The following ASIC2 variants were observed in gnomAD, a reference collection of about 807,000 sequenced individuals.
ASIC2 encodes acid sensing ion channel subunit 2, also known as acid-sensing ion channel 2.
In ASIC2, 25 loss-of-function variants were observed where a neutral mutation model predicts 57.3. The ratio of observed to expected loss-of-function variants is 0.44; its 90% CI spans 0.32 to 0.61. ASIC2 has a LOEUF of 0.61. ASIC2 is among the 20% of genes least tolerant of loss of function. ASIC2 has a pLI of 0.06. For synonymous variants in ASIC2, 319 were observed against 307.5 expected, an observed-to-expected ratio of 1.04 and a Z score of -0.39; for missense variants, 641 against 738.1, an observed-to-expected ratio of 0.87 and a Z score of 1.52.
intron 1 of ASIC2, among the ~76,000 whole-genome samples, chr17:33,774,973 A>C (rs1178335678): frequency 1.3e-5 from 2 of 152,222 alleles, no homozygotes; most frequent in African/African-American, 2.4e-5. Context: ...AGGCCAATGC[A>C]ACAGTCCCTA....
intron 1 of ASIC2, among the ~76,000 whole-genome samples, chr17:33,685,808 A>C (rs1908167544): frequency 6.6e-6 from 1 of 152,218 alleles, no homozygotes; most frequent in East Asian, 1.9e-4. Context: ...GCCTTCAGAC[A>C]GCACTCAAAC....
intron 1 of ASIC2, among the ~76,000 whole-genome samples, chr17:33,605,475 A>G (rs886172293): frequency 6.6e-6 from 1 of 152,212 alleles, no homozygotes; most frequent in Non-Finnish European, 1.5e-5. Context: ...CAGGAACCAA[A>G]TGGACAGATA....
At chr17:33,422,584 ACT>A (rs1463053608) in intron 1 of ASIC2, among the ~76,000 whole-genome samples, 3 of 152,016 alleles carry the variant, frequency 2.0e-5, no homozygotes, top group Non-Finnish European at 2.9e-5. Context: ...AGTCTCTCCA[ACT>A]CTCTGGAAAT....
chr17:33,505,807 C>A (rs1409447826), intron 1 of ASIC2, among the ~76,000 whole-genome samples: 1 of 152,218 alleles, frequency 6.6e-6, no homozygotes, highest in African/African-American at 2.4e-5. Flanking sequence ...CCTGACATAG[C>A]CTCTTAAGGG....
intron 1 of ASIC2, among the ~76,000 whole-genome samples, chr17:33,672,443 C>A (rs1022497472): frequency 6.7e-6 from 1 of 148,390 alleles, no homozygotes; most frequent in Non-Finnish European, 1.5e-5. Context: ...AAAAAAAAGT[C>A]TTCACTTAAA....
At chr17:33,577,273 C>A (rs1486546088) in intron 1 of ASIC2, among the ~76,000 whole-genome samples, 1 of 152,160 alleles carries the variant, frequency 6.6e-6, no homozygotes, top group East Asian at 1.9e-4. Context: ...TGTTATGCTC[C>A]CTCTGTGGCC....
chr17:33,450,518 C>G (rs1230320260), intron 1 of ASIC2, among the ~76,000 whole-genome samples: 1 of 152,134 alleles, frequency 6.6e-6, no homozygotes, highest in East Asian at 1.9e-4. Context: ...ATACTTTTCT[C>G]TGTTCCTGAA....
chr17:33,124,286 A>G (rs1211932551), intron 1 of ASIC2, among the ~76,000 whole-genome samples: 4 of 152,250 alleles, frequency 2.6e-5, no homozygotes, highest in Admixed American at 2.6e-4. Flanking sequence ...AAGCCATCAC[A>G]GATTCACAAA....
chr17:33,381,016 T>C lies in ASIC2; in HGVS notation c.556-268949A>G, dbSNP rs147668725. ...AGGGATTTGTATTTTAAAGAAGAGC[T>C]GGAATCTCGGCTCACAGTTCGAGAT... is the stretch of plus-strand genomic sequence containing the variant. On this transcript the variant is annotated intron_variant, in intron 1 of 9. Coordinates refer to the ASIC2 transcript ENST00000359872. 1.1e-4 allele frequency among the ~76,000 whole-genome samples: 16 copies of C among 152,260 alleles called. No individual in the cohort carries two copies. In the East Asian group the frequency reaches 2.7e-3, roughly 26 times the overall value.
intron 1 of ASIC2, among the ~76,000 whole-genome samples, chr17:33,359,854 A>G (rs2141930111): frequency 6.6e-6 from 1 of 152,272 alleles, no homozygotes; most frequent in Admixed American, 6.5e-5. Context: ...GGATGGTGGG[A>G]CTGAATTCCA....
chr17:33,312,227 G>T (rs1321861830), intron 1 of ASIC2, among the ~76,000 whole-genome samples: 2 of 152,168 alleles, frequency 1.3e-5, no homozygotes, highest in Non-Finnish European at 2.9e-5. Context: ...GGTGTATAGT[G>T]CCTGGTGTAT....
chr17:33,394,670 G>T (rs1180502023), intron 1 of ASIC2, among the ~76,000 whole-genome samples: 1 of 152,108 alleles, frequency 6.6e-6, no homozygotes, highest in Non-Finnish European at 1.5e-5. Flanking sequence ...GGCAAAATTT[G>T]TGGACAGTGA....
At chr17:33,926,818 C>A (rs919019893) in intron 1 of ASIC2, among the ~76,000 whole-genome samples, 5 of 152,230 alleles carry the variant, frequency 3.3e-5, no homozygotes, top group African/African-American at 1.2e-4. Flanking sequence ...TGATTACCTG[C>A]CACTGTGTGC....
chr17:33,287,535 A>T (rs1487456366), intron 1 of ASIC2, among the ~76,000 whole-genome samples: 2 of 152,216 alleles, frequency 1.3e-5, no homozygotes, highest in Non-Finnish European at 2.9e-5. Context: ...TCAAGTCCAC[A>T]GCTGATGCCA....
At chr17:33,018,404 C>A (rs1001439100) in intron 7 of ASIC2, among the ~76,000 whole-genome samples, 2 of 152,236 alleles carry the variant, frequency 1.3e-5, no homozygotes, top group Non-Finnish European at 2.9e-5. Context: ...TAAGTTCCCG[C>A]TGGGGGTAAG....
intron 1 of ASIC2, among the ~76,000 whole-genome samples, chr17:33,548,853 C>A (rs1915660563): frequency 6.6e-6 from 1 of 152,112 alleles, no homozygotes; most frequent in South Asian, 2.1e-4. Context: ...CCTGAAGCTT[C>A]ATATGGGACT....
At chr17:33,602,076 C>T (rs1315478387) in intron 1 of ASIC2, among the ~76,000 whole-genome samples, 5 of 152,166 alleles carry the variant, frequency 3.3e-5, no homozygotes, top group African/African-American at 1.2e-4. Flanking sequence ...TAATTTATCT[C>T]AGGACAAATC....
At chr17:33,282,039 C>A (rs1036271869) in intron 1 of ASIC2, among the ~76,000 whole-genome samples, 4 of 152,212 alleles carry the variant, frequency 2.6e-5, no homozygotes, top group Non-Finnish European at 5.9e-5. Flanking sequence ...ATGTTTGTTA[C>A]AAATTCTTTC....
intron 1 of ASIC2, among the ~76,000 whole-genome samples, chr17:33,840,240 T>C (rs1440382948): frequency 6.6e-6 from 1 of 152,136 alleles, no homozygotes; most frequent in Admixed American, 6.5e-5. Context: ...TATTACAGTG[T>C]GGTGGGGACA....
Sources: allele counts gnomAD v4.1 joint callset (sites outside exome capture counted in the v4.1 genomes callset), GRCh38; gene constraint gnomAD v4.1.1; transcripts MANE v1.5; gene names NCBI Gene and HGNC (gene_info 2026-07-23, HGNC 2026-07-21).